Variants in NAT1 observed in about 807,000 individuals in gnomAD.
NAT1 encodes the protein N-acetyltransferase 1, also known as arylamine N-acetyltransferase 1.
For missense variants in NAT1, 400 were observed against 339.2 expected (o/e 1.18, Z -1.41); for synonymous variants, 144 against 122.6 (o/e 1.17, Z -1.16).
intron 2 of NAT1, among the ~76,000 whole-genome samples, chr8:18,201,437 T>A (rs1803459410): frequency 6.6e-6 from 1 of 152,016 alleles, no homozygotes; most frequent in Non-Finnish European, 1.5e-5. Flanking sequence ...GATCATATGG[T>A]CCCACACTAC....
intron 2 of NAT1, among the ~76,000 whole-genome samples, chr8:18,221,169 G>T (rs2117427551): frequency 6.6e-6 from 1 of 152,138 alleles, no homozygotes; most frequent in South Asian, 2.1e-4. Flanking sequence ...CTTCCTGAAT[G>T]TTTTTTGAAC....
At position 18,174,979 on chromosome 8, in the gene NAT1, T is replaced by TGAC. The variant is rs1802233947; in HGVS notation, n.92+4240_92+4241insGAC. Among the ~76,000 whole-genome samples, 11 of 152,098 alleles carry TGAC rather than the reference T, an allele frequency of 7.2e-5. No homozygotes were observed. In the South Asian group the frequency reaches 2.3e-3, roughly 32 times the overall value. On this transcript the variant is annotated intron_variant and non_coding_transcript_variant, in intron 2 of 4. Transcript: ENST00000517441. ...ACAAGTATGTACAACGCTGTGTTGA[T>TGAC]CTTCTTATATTCCTGCTGCCTGGTT...
At chr8:18,185,017 T>C (rs185835341) in intron 2 of NAT1, among the ~76,000 whole-genome samples, 2 of 152,334 alleles carry the variant, frequency 1.3e-5, no homozygotes, top group East Asian at 1.9e-4. Flanking sequence ...AATCTAAACA[T>C]TGGTTAAACA....
chr8:18,188,667 AT>A (rs1232058102), intron 2 of NAT1, among the ~76,000 whole-genome samples: 5 of 151,904 alleles, frequency 3.3e-5, no homozygotes, highest in Non-Finnish European at 7.4e-5. Flanking sequence ...ATGAAATTTA[AT>A]TTTTTAATTG....
At chr8:18,187,936 AACACAC>A (rs35203470) in intron 2 of NAT1, among the ~76,000 whole-genome samples, 2,488 of 137,454 alleles carry the variant, frequency 0.018, 42 homozygotes, top group African/African-American at 0.046. Context: ...TTGTATCTTA[AACACAC>A]ACACACACAC....
chr8:18,190,439 T>C (rs901906170), intron 2 of NAT1, among the ~76,000 whole-genome samples: 2 of 152,260 alleles, frequency 1.3e-5, no homozygotes, highest in Non-Finnish European at 2.9e-5. Context: ...CTAGTGATCA[T>C]CTTTGAACTG....
At chr8:18,211,779 T>C (rs985699341) in intron 1 of NAT1, among the ~76,000 whole-genome samples, 2 of 151,332 alleles carry the variant, frequency 1.3e-5, no homozygotes, top group African/African-American at 4.9e-5. Context: ...CCTTCTTTCA[T>C]GGTGGTAGAG....
intron 2 of NAT1, among the ~76,000 whole-genome samples, chr8:18,189,936 C>T (rs376237733): frequency 5.9e-5 from 9 of 152,056 alleles, no homozygotes; most frequent in East Asian, 1.9e-4. Flanking sequence ...ACTACATGCA[C>T]GTGCCACCAC....
At chr8:18,178,332 C>T (rs372884719) in intron 2 of NAT1, among the ~76,000 whole-genome samples, 7 of 152,114 alleles carry the variant, frequency 4.6e-5, no homozygotes, top group African/African-American at 1.7e-4. Context: ...TATTAAGCTA[C>T]TGAACATAAG....
At chr8:18,197,889 C>CTTT (rs532863435) in intron 2 of NAT1, among the ~76,000 whole-genome samples, 9 of 139,722 alleles carry the variant, frequency 6.4e-5, no homozygotes, top group African/African-American at 2.1e-4. Context: ...TATGTTTATA[C>CTTT]TTTTTTTTTT....
intron 2 of NAT1, among the ~76,000 whole-genome samples, chr8:18,185,900 T>C (rs1802713067): frequency 6.6e-6 from 1 of 152,298 alleles, no homozygotes; most frequent in Admixed American, 6.5e-5. Flanking sequence ...GTTTCTTCTT[T>C]GATCCTTGGC....
At position 18,187,558 on chromosome 8, in the gene NAT1, G is replaced by A. The variant is rs145052231; in HGVS notation, n.92+16819G>A. 4.9e-3 allele frequency among the ~76,000 whole-genome samples: 751 copies of A among 152,206 alleles called. 3 individuals are homozygous for A. The highest frequency in any genetic ancestry group is 0.017 in the African/African-American group (719 of 41,528). ...ATAAGATCATGTCCTCTGCAGCAAC[G>A]TGGATGCAACTGGAGACCATTATCC... On this transcript the variant is annotated intron_variant and non_coding_transcript_variant, in intron 2 of 4. Coordinates refer to the NAT1 transcript ENST00000517441.
At chr8:18,177,867 C>T (rs1802349475) in intron 2 of NAT1, among the ~76,000 whole-genome samples, 2 of 152,064 alleles carry the variant, frequency 1.3e-5, no homozygotes, top group African/African-American at 4.8e-5. Context: ...ACTTTGGGCA[C>T]CTTTTATTTA....
chr8:18,189,763 T>C (rs1802903839), intron 2 of NAT1, among the ~76,000 whole-genome samples: 1 of 152,188 alleles, frequency 6.6e-6, no homozygotes, highest in Non-Finnish European at 1.5e-5. Flanking sequence ...GTGGTTGTTG[T>C]TTAGGATCAC....
Position 18,194,423 on chromosome 8 carries a change from A to G in NAT1, n.93-15358A>G, listed in dbSNP as rs562852252. The stretch of plus-strand genomic sequence containing the variant: ...ACTCTGATGTTTAGCACCAGGACCA[A>G]GTCGTATCTGTTGAGTCCACTTGTG... On this transcript the variant is annotated intron_variant and non_coding_transcript_variant, in intron 2 of 4. Coordinates refer to the NAT1 transcript ENST00000517441. 7.2e-5 allele frequency among the ~76,000 whole-genome samples: 11 copies of G among 152,290 alleles called. No individual in the cohort carries two copies. In the East Asian group the frequency reaches 7.7e-4, roughly 11 times the overall value.
intron 2 of NAT1, among the ~76,000 whole-genome samples, chr8:18,171,680 T>G (rs1050611073): frequency 1.3e-5 from 2 of 152,154 alleles, no homozygotes; most frequent in African/African-American, 4.8e-5. Context: ...CCACACCTGA[T>G]TGGTCTGTTA....
Position 18,223,392 on chromosome 8 carries a change from C to G in NAT1, c.*472C>G, listed in dbSNP as rs8190862. The G allele has an allele frequency of 0.017, 2,892 of 167,152 alleles. 50 individuals carry two copies. Among genetic ancestry groups the G allele is most frequent in the Middle Eastern group, 0.084 (25 of 296 alleles). 10.4% of individuals were successfully genotyped at this position (167,152 alleles called of 1,614,324 possible). A position where few individuals can be genotyped will look rare whatever the true frequency, so the allele number is the denominator to read the frequency against. ...TTTTTCCTCGATGCTCTCTTCCTCT[C>G]ATCTTTCTTGTCTCTTAAATTACTT... On this transcript the variant is annotated 3_prime_UTR_variant, in exon 3 of 3. Transcript: ENST00000307719.
chr8:18,206,415 G>T (rs1467192330), upstream of NAT1, among the ~76,000 whole-genome samples: 2 of 152,120 alleles, frequency 1.3e-5, no homozygotes, highest in Non-Finnish European at 2.9e-5. Flanking sequence ...CAGCCATCTT[G>T]CCCCCGCTCA....
chr8:18,199,317 CAAAA>C (rs373393013), intron 2 of NAT1, among the ~76,000 whole-genome samples: 2 of 87,462 alleles, frequency 2.3e-5, no homozygotes, highest in Non-Finnish European at 2.5e-5. Flanking sequence ...GACTCTGTCT[CAAAA>C]AAAAAAAAAA....
Sources: allele counts gnomAD v4.1 joint callset (sites outside exome capture counted in the v4.1 genomes callset), GRCh38; gene constraint gnomAD v4.1.1; transcripts MANE v1.5; gene names NCBI Gene and HGNC (gene_info 2026-07-23, HGNC 2026-07-21).